BBS5: variants seen among roughly 807,000 people sequenced by gnomAD.
BBS5 encodes Bardet-Biedl syndrome 5.
BBS5 carries 39 observed loss-of-function variants against 50.2 expected under a neutral mutation model. The observed-to-expected ratio is 0.78, with a 90% CI of 0.60 to 1.01. BBS5 has a LOEUF of 1.01. Ranked by LOEUF, BBS5 falls within the 50% of genes least tolerant of loss-of-function variation. The pLI, the probability that BBS5 is intolerant of heterozygous loss-of-function variation, is 0.00. For missense variants in BBS5, 356 were observed against 401.5 expected (o/e 0.89, Z 0.97); for synonymous variants, 134 against 133.1 (o/e 1.01, Z -0.05).
chr2:169,481,164 TAATA>T (rs1230296977), intron 1 of BBS5, among the ~76,000 whole-genome samples: 1 of 152,214 alleles, frequency 6.6e-6, no homozygotes, highest in African/African-American at 2.4e-5. Context: ...ACAACCACTA[TAATA>T]AATGTGGTAA....
Position 169,505,172 on chromosome 2 carries a change from G to T in BBS5, c.*590G>T. ...GGGTTTCGCTGTGTTGGCCGGGCTG[G>T]TCTCCAGCTCCTAACCGCGAGTGAT... is the stretch of plus-strand genomic sequence containing the variant. On this transcript the variant is annotated 3_prime_UTR_variant, in exon 12 of 12. Transcript: ENST00000295240. The T allele has an allele frequency of 1.7e-6, 1 of 597,228 alleles. No individual in the cohort carries two copies. Among genetic ancestry groups the T allele is most frequent in the East Asian group, 3.1e-5 (1 of 32,360 alleles). 37.0% of individuals were successfully genotyped at this position (597,228 alleles called of 1,614,324 possible). A position where few individuals can be genotyped will look rare whatever the true frequency, so the allele number is the denominator to read the frequency against.
chr2:169,482,391 A>G lies in BBS5; in HGVS notation c.142+58A>G, dbSNP rs1683413337. ...TGGTTTAATTTACAAATGTTGAATC[A>G]TATTAGCTAGAGAATATATGAAACA... On this transcript the variant is annotated intron_variant, in intron 2 of 11. Coordinates refer to ENST00000295240, the MANE Select transcript of BBS5 (RefSeq NM_152384.3). The G allele has an allele frequency of 4.6e-6, 5 of 1,084,648 alleles. 1 individual carries two copies. The highest frequency in any genetic ancestry group is 2.5e-5 in the South Asian group (2 of 80,050). The allele number at this position is 1,084,648 out of a possible 1,614,324, so 67.2% of individuals were successfully genotyped here.
At chr2:169,490,638 TTTAA>T (rs1207475500) in intron 5 of BBS5, among the ~76,000 whole-genome samples, 2 of 152,228 alleles carry the variant, frequency 1.3e-5, no homozygotes, top group East Asian at 1.9e-4. Flanking sequence ...GGCTTAATTT[TTTAA>T]TTGAGATATA....
chr2:169,489,670 T>A (rs939988534), intron 5 of BBS5, among the ~76,000 whole-genome samples: 3 of 150,928 alleles, frequency 2.0e-5, no homozygotes, highest in Non-Finnish European at 3.0e-5. Flanking sequence ...CTACCTCGGC[T>A]TTTTTTCTTT....
intron 9 of BBS5, among the ~76,000 whole-genome samples, chr2:169,500,705 T>TTC (rs1683786420): frequency 6.6e-6 from 1 of 152,218 alleles, no homozygotes; most frequent in South Asian, 2.1e-4. Flanking sequence ...ACTTAATTTT[T>TTC]TCTCTCCCTG....
intron 5 of BBS5, among the ~76,000 whole-genome samples, chr2:169,490,802 G>T (rs1378201627): frequency 2.0e-5 from 3 of 152,060 alleles, no homozygotes; most frequent in Non-Finnish European, 4.4e-5. Context: ...ACCCATAGCA[G>T]TCATTTCCCA....
chr2:169,482,926 C>G (rs1683425635), intron 2 of BBS5, among the ~76,000 whole-genome samples: 2 of 152,160 alleles, frequency 1.3e-5, no homozygotes, highest in South Asian at 4.1e-4. Flanking sequence ...CCAGGCTGCC[C>G]ATAGCAGCTA....
At chr2:169,490,534 T>TTA (rs1683578344) in intron 5 of BBS5, among the ~76,000 whole-genome samples, 1 of 152,186 alleles carries the variant, frequency 6.6e-6, no homozygotes, top group Non-Finnish European at 1.5e-5. Context: ...AATTTCTTAA[T>TTA]TATACCCTTA....
At chr2:169,487,952 A>T in intron 4 of BBS5, 35 bp from the exon 5 acceptor site, 1 of 1,612,134 alleles carries the variant, frequency 6.2e-7, no homozygotes. Flanking sequence ...AATTGCTCTT[A>T]AAATCTGAAC....
intron 5 of BBS5, among the ~76,000 whole-genome samples, chr2:169,490,448 C>T (rs1246887778): frequency 1.3e-5 from 2 of 152,086 alleles, no homozygotes; most frequent in Admixed American, 6.5e-5. Flanking sequence ...GATCTCCTGA[C>T]CTTGTGATCC....
At chr2:169,501,970 A>C (rs1443880037) in intron 9 of BBS5, among the ~76,000 whole-genome samples, 1 of 152,102 alleles carries the variant, frequency 6.6e-6, no homozygotes, top group Non-Finnish European at 1.5e-5. Context: ...CTCAAATGCC[A>C]TCTCTTCAGG....
chr2:169,500,184 A>G (rs533011881), intron 9 of BBS5, among the ~76,000 whole-genome samples: 2 of 152,250 alleles, frequency 1.3e-5, no homozygotes, highest in East Asian at 3.9e-4. Context: ...CTCCAGGTAC[A>G]TGAGCTCTCT....
intron 5 of BBS5, among the ~76,000 whole-genome samples, chr2:169,490,096 T>C (rs1559122809): frequency 6.7e-6 from 1 of 149,424 alleles, no homozygotes; most frequent in East Asian, 2.0e-4. Flanking sequence ...AGTATGGTCT[T>C]GATCTCCTGA....
intron 2 of BBS5, among the ~76,000 whole-genome samples, chr2:169,483,497 A>C (rs1253628482): frequency 6.6e-6 from 1 of 152,164 alleles, no homozygotes; most frequent in Non-Finnish European, 1.5e-5. Context: ...TAGATGGTAA[A>C]TATGTCCCTA....
intron 7 of BBS5, among the ~76,000 whole-genome samples, chr2:169,496,179 C>T (rs1402597075): frequency 6.6e-6 from 1 of 152,106 alleles, no homozygotes; most frequent in African/African-American, 2.4e-5. Flanking sequence ...GTGATTCTCC[C>T]CTACCCTGCC....
At chr2:169,497,881 T>C (rs1297465362) in intron 8 of BBS5, among the ~76,000 whole-genome samples, 192 bp downstream of exon 8, 2 of 152,228 alleles carry the variant, frequency 1.3e-5, no homozygotes, top group Non-Finnish European at 2.9e-5. Flanking sequence ...TATTTTTTTG[T>C]TGGACAGACA....
intron 9 of BBS5, among the ~76,000 whole-genome samples, chr2:169,501,694 G>A (rs1683805888): frequency 2.6e-5 from 4 of 152,082 alleles, no homozygotes; most frequent in Non-Finnish European, 4.4e-5. Flanking sequence ...AGTGAGCTAT[G>A]ATCATGCCAT....
chr2:169,503,876 A>T (rs1433518232), intron 10 of BBS5, among the ~76,000 whole-genome samples: 1 of 152,186 alleles, frequency 6.6e-6, no homozygotes, highest in Non-Finnish European at 1.5e-5. Context: ...ACTGCCTCAA[A>T]CTGTATGCAT....
intron 5 of BBS5, among the ~76,000 whole-genome samples, chr2:169,488,508 T>G (rs1459991383): frequency 6.6e-6 from 1 of 152,246 alleles, no homozygotes; most frequent in Non-Finnish European, 1.5e-5. Context: ...GCTGCTGATC[T>G]GACAGGAGGC....
Sources: gnomAD v4.1 joint callset for allele counts (sites outside exome capture counted in the v4.1 genomes callset) on GRCh38, gnomAD v4.1.1 for gene constraint, MANE v1.5 for transcripts, NCBI Gene and HGNC (gene_info 2026-07-23, HGNC 2026-07-21) for gene names.